The following ROCK1 variants were observed in gnomAD, a reference collection of about 807,000 sequenced individuals.
ROCK1 encodes Rho associated coiled-coil containing protein kinase 1, also known as rho-associated protein kinase 1.
A neutral mutation model predicts 196.8 loss-of-function variants in ROCK1; 36 were observed. That is an observed-to-expected ratio of 0.18 (90% CI 0.14 to 0.24). ROCK1 has a LOEUF of 0.24. ROCK1 is among the 10% of genes least tolerant of loss of function. ROCK1 has a pLI of 1.00. For missense variants in ROCK1, 920 were observed against 1,562.0 expected (o/e 0.59, Z 6.93); for synonymous variants, 443 against 515.9 (o/e 0.86, Z 1.91).
chr18:21,015,319 T>A, intron 13 of ROCK1, 112 bp downstream of exon 13: 1 of 742,140 alleles, frequency 1.3e-6, no homozygotes, highest in Non-Finnish European at 2.4e-6. Flanking sequence ...AATTCTCTGC[T>A]CTGTTTTGTG....
intron 18 of ROCK1, among the ~76,000 whole-genome samples, chr18:20,990,969 A>T (rs2035619981): frequency 6.6e-6 from 1 of 152,000 alleles, no homozygotes; most frequent in Non-Finnish European, 1.5e-5. Flanking sequence ...CACATTGGCC[A>T]GGCTGGTCTC....
At chr18:20,964,976 A>G (rs576704095) in intron 27 of ROCK1, among the ~76,000 whole-genome samples, 1 of 152,198 alleles carries the variant, frequency 6.6e-6, no homozygotes, top group Admixed American at 6.5e-5. Context: ...TAATGTGTCC[A>G]TTTCTGACAT....
At chr18:21,038,198 CTT>C (rs1255025544) in intron 9 of ROCK1, among the ~76,000 whole-genome samples, 1 of 152,108 alleles carries the variant, frequency 6.6e-6, no homozygotes, top group Non-Finnish European at 1.5e-5. Flanking sequence ...CTGATCATCT[CTT>C]TGTCATGCAA....
At chr18:21,019,746 C>G (rs1243966350) in intron 12 of ROCK1, among the ~76,000 whole-genome samples, 1 of 150,682 alleles carries the variant, frequency 6.6e-6, no homozygotes, top group Non-Finnish European at 1.5e-5. Context: ...TGCAGTGAGC[C>G]AAGATCGTGC....
At position 20,985,022 on chromosome 18, in the gene ROCK1, G is replaced by GTCC. The variant is rs1167918692; in HGVS notation, c.2305-488_2305-487insGGA. 2.6e-5 allele frequency among the ~76,000 whole-genome samples: 4 copies of GTCC among 151,694 alleles called. 1 individual carries two copies. Among genetic ancestry groups the GTCC allele is most frequent in the Non-Finnish European group, 5.9e-5 (4 of 67,922 alleles). ...CCAGCTACATGGGAGGATCACTTGA[G>GTCC]CCTACGAGTCAGAGGTTGCAGTGAG... On this transcript the variant is annotated intron_variant, in intron 19 of 32. Coordinates refer to ENST00000399799, the MANE Select transcript of ROCK1 (RefSeq NM_005406.3).
At position 21,106,334 on chromosome 18, in the gene ROCK1, A is replaced by C. The variant is rs544395269; in HGVS notation, c.93+4484T>G. 3.6e-4 allele frequency among the ~76,000 whole-genome samples: 55 copies of C among 152,284 alleles called. 1 individual carries two copies. The highest frequency in any genetic ancestry group is 6.8e-3 in the Middle Eastern group (2 of 294). On this transcript the variant is annotated intron_variant, in intron 1 of 32. Coordinates refer to ENST00000399799, the MANE Select transcript of ROCK1 (RefSeq NM_005406.3). ...TTCCTTTTTTTTGAGACAAGTTCTC[A>C]CTGTGTCGTCCAGGCTGGAGTGCAG...
intron 2 of ROCK1, among the ~76,000 whole-genome samples, chr18:21,056,178 G>T (rs1160775385): frequency 6.6e-6 from 1 of 152,042 alleles, no homozygotes; most frequent in Non-Finnish European, 1.5e-5. Flanking sequence ...CACTTCTCTG[G>T]TGGGCTTTAA....
rs2035183127 is a variant in ROCK1, at chr18:20,951,143, CT to C, written c.*240del. 1 of 385,202 alleles carries C rather than the reference CT, an allele frequency of 2.6e-6. No homozygotes were observed. Among genetic ancestry groups the C allele is most frequent in the Non-Finnish European group, 4.8e-6 (1 of 209,926 alleles). 23.9% of individuals were successfully genotyped at this position (385,202 alleles called of 1,614,324 possible). A position where few individuals can be genotyped will look rare whatever the true frequency, so the allele number is the denominator to read the frequency against. On this transcript the variant is annotated 3_prime_UTR_variant, in exon 33 of 33. Coordinates refer to ENST00000399799, the MANE Select transcript of ROCK1 (RefSeq NM_005406.3). Reference sequence around the variant, plus strand: ...TTTAAAAAAAATATATCTACCTAAGCTTTCCCCCAACTGTACTTGCATTACA... The same window carrying C: ...TTTAAAAAAAATATATCTACCTAAGCTTCCCCCAACTGTACTTGCATTACA...
Position 21,074,694 on chromosome 18 carries a change from A to G in ROCK1, c.94-4081T>C, listed in dbSNP as rs537655890. ...TTATGTATTTAGCTGTTATACTGTA[A>G]TTATTTATTTCTAAATCTGCCTCCT... On this transcript the variant is annotated intron_variant, in intron 1 of 32. Transcript: ENST00000399799. Among the ~76,000 whole-genome samples the G allele has an allele frequency of 7.2e-5, 11 of 152,356 alleles. No homozygotes were observed. The East Asian group carries it at 1.7e-3, about 24-fold the overall frequency.
chr18:21,022,248 C>T (rs2035919786), intron 11 of ROCK1, among the ~76,000 whole-genome samples: 2 of 152,048 alleles, frequency 1.3e-5, no homozygotes, highest in South Asian at 4.1e-4. Flanking sequence ...TCAGAAAATT[C>T]CTGTTAACCC....
chr18:21,008,563 G>A (rs1451547582), intron 13 of ROCK1, among the ~76,000 whole-genome samples: 1 of 152,160 alleles, frequency 6.6e-6, no homozygotes, highest in Non-Finnish European at 1.5e-5. Flanking sequence ...ATGAGCTACT[G>A]TGCCCAGCCT....
chr18:20,988,388 C>T (rs1323483920), intron 18 of ROCK1, among the ~76,000 whole-genome samples: 3 of 152,068 alleles, frequency 2.0e-5, no homozygotes, highest in African/African-American at 7.2e-5. Context: ...CAATTCATCA[C>T]TCTTCTCCTC....
chr18:20,957,501 G>T (rs1300154532), intron 29 of ROCK1, among the ~76,000 whole-genome samples: 3 of 149,612 alleles, frequency 2.0e-5, no homozygotes, highest in African/African-American at 4.9e-5. Context: ...TTTTTTTTGA[G>T]ATGGAGTCTC....
intron 17 of ROCK1, 33 bp from the exon 18 acceptor site, chr18:20,991,359 CTG>C (rs2035624551): frequency 6.7e-7 from 1 of 1,485,296 alleles, no homozygotes; most frequent in Non-Finnish European, 9.2e-7. Context: ...ATGTAATAAA[CTG>C]TGCAGAAGGC....
At chr18:20,971,301 A>AACAT (rs2035423677) in intron 22 of ROCK1, among the ~76,000 whole-genome samples, 1 of 71,992 alleles carries the variant, frequency 1.4e-5, no homozygotes, top group East Asian at 4.8e-4. Context: ...ACATATAGTA[A>AACAT]ACATACACAC....
At chr18:20,975,454 C>T (rs1207305977) in intron 22 of ROCK1, among the ~76,000 whole-genome samples, 1 of 152,148 alleles carries the variant, frequency 6.6e-6, no homozygotes, top group Non-Finnish European at 1.5e-5. Flanking sequence ...CCTTTCCATT[C>T]AGTCTCAATC....
intron 27 of ROCK1, among the ~76,000 whole-genome samples, chr18:20,962,750 T>C (rs1295774680): frequency 3.9e-5 from 6 of 152,008 alleles, no homozygotes; most frequent in African/African-American, 1.4e-4. Context: ...CAAATAAAGG[T>C]GTCAAGAATA....
At chr18:21,092,223 A>G (rs1272410867) in intron 1 of ROCK1, among the ~76,000 whole-genome samples, 1 of 152,162 alleles carries the variant, frequency 6.6e-6, no homozygotes, top group South Asian at 2.1e-4. Flanking sequence ...GATTAAGGGA[A>G]TCTCTTTATT....
chr18:21,068,680 T>A (rs1006318695), intron 2 of ROCK1, among the ~76,000 whole-genome samples: 4 of 152,314 alleles, frequency 2.6e-5, no homozygotes, highest in African/African-American at 9.6e-5. Context: ...TTTACACATA[T>A]TTTGTCAAAT....
Sources: allele counts gnomAD v4.1 joint callset (sites outside exome capture counted in the v4.1 genomes callset), GRCh38; gene constraint gnomAD v4.1.1; transcripts MANE v1.5; gene names NCBI Gene and HGNC (gene_info 2026-07-23, HGNC 2026-07-21).